Variants in BBIP1 observed in about 807,000 individuals in gnomAD.
BBIP1 encodes BBSome interacting protein 1.
BBIP1 carries 6 observed loss-of-function variants against 8.9 expected under a neutral mutation model. The ratio of observed to expected loss-of-function variants is 0.67; its 90% confidence interval spans 0.37 to 1.33. The LOEUF (loss-of-function observed/expected upper bound fraction) is 1.33. Among genes scored for constraint, BBIP1 ranks in the 40% most tolerant of loss-of-function variants. The probability of loss-of-function intolerance (pLI) is 0.02; values close to 1 mark genes in which losing one functional copy is unlikely to be tolerated. For synonymous variants in BBIP1, 32 were observed against 33.4 expected (o/e 0.96, Z 0.14); for missense variants, 111 against 109.2 (o/e 1.02, Z -0.07).
intron 2 of BBIP1, among the ~76,000 whole-genome samples, chr10:110,913,724 G>GT (rs1846329728): frequency 6.6e-6 from 1 of 152,156 alleles, no homozygotes; most frequent in African/African-American, 2.4e-5. Context: ...ACCTAGAGAA[G>GT]TAAATGCAGT....
intron 2 of BBIP1, chr10:110,907,844 GGAAAA>G: frequency 3.0e-6 from 2 of 675,848 alleles, no homozygotes; most frequent in Non-Finnish European, 5.3e-6. Context: ...GCCCTGGGAA[GGAAAA>G]AAGTTAAATT....
Position 110,898,837 on chromosome 10 carries a change from C to A in BBIP1, c.*1523G>T, listed in dbSNP as rs565963166. On this transcript the variant is annotated 3_prime_UTR_variant, in exon 4 of 4. Transcript: ENST00000448814. ...ATAAGGAAGCATATTTGAACCTAGT[C>A]AATTTAATCTTAGTGTTCCCTTGAA... is the stretch of plus-strand genomic sequence containing the variant. 6.6e-6 allele frequency: 1 copy of A among 152,664 alleles called. No individual in the cohort carries two copies. The highest frequency in any genetic ancestry group is 6.5e-5 in the Admixed American group (1 of 15,282). 9.5% of individuals were successfully genotyped at this position (152,664 alleles called of 1,614,324 possible). A position where few individuals can be genotyped will look rare whatever the true frequency, so the allele number is the denominator to read the frequency against.
Position 110,899,852 on chromosome 10 carries a change from T to C in BBIP1, c.*508A>G, listed in dbSNP as rs1845942196. On this transcript the variant is annotated 3_prime_UTR_variant, in exon 4 of 4. Transcript: ENST00000448814. ...TTTTGTCATTACTGGTGGGATCTGG[T>C]CACACAAGATAGCATTAAACGTGAC... The C allele has an allele frequency of 6.6e-6, 1 of 152,056 alleles. No individual in the cohort carries two copies. The highest frequency in any genetic ancestry group is 2.1e-4 in the South Asian group (1 of 4,836). 9.4% of individuals were successfully genotyped at this position (152,056 alleles called of 1,614,324 possible).
intron 2 of BBIP1, 125 bp downstream of exon 2, chr10:110,917,996 G>T: frequency 2.5e-6 from 2 of 790,602 alleles, no homozygotes; most frequent in Non-Finnish European, 4.1e-6. Flanking sequence ...GTAATTAACA[G>T]CAAAGAAACA....
intron 2 of BBIP1, among the ~76,000 whole-genome samples, chr10:110,908,772 T>C (rs1846202843): frequency 7.5e-6 from 1 of 133,406 alleles, no homozygotes; most frequent in Non-Finnish European, 1.6e-5. Flanking sequence ...TGGTGCATTA[T>C]GGGGGAGGCA....
intron 2 of BBIP1, among the ~76,000 whole-genome samples, chr10:110,908,712 A>T (rs1846201512): frequency 6.6e-6 from 1 of 152,066 alleles, no homozygotes; most frequent in South Asian, 2.1e-4. Flanking sequence ...CTTTAGGTGC[A>T]GGTAACAACA....
chr10:110,918,282 C>A, intron 1 of BBIP1, 69 bp from the exon 2 acceptor site: 2 of 790,332 alleles, frequency 2.5e-6, no homozygotes, highest in Non-Finnish European at 2.0e-6. Context: ...CAAAAATCTT[C>A]AACACGTTGT....
chr10:110,906,264 C>G (rs1846133774), intron 2 of BBIP1, among the ~76,000 whole-genome samples: 2 of 152,170 alleles, frequency 1.3e-5, no homozygotes, highest in Non-Finnish European at 2.9e-5. Context: ...CCTCGGCCTC[C>G]CAAAGTGCTG....
chr10:110,917,036 C>T (rs974048155), intron 2 of BBIP1, among the ~76,000 whole-genome samples: 8 of 152,046 alleles, frequency 5.3e-5, no homozygotes, highest in African/African-American at 1.7e-4. Flanking sequence ...TCAGCTTAAG[C>T]CTCTAGACTA....
chr10:110,914,205 AAGG>A (rs1438095809), intron 2 of BBIP1, among the ~76,000 whole-genome samples: 3 of 152,156 alleles, frequency 2.0e-5, no homozygotes, highest in African/African-American at 4.8e-5. Context: ...CTGGGAACTG[AAGG>A]AGTAGTCAGG....
chr10:110,913,723 A>G (rs1308331648), intron 2 of BBIP1, among the ~76,000 whole-genome samples: 1 of 152,252 alleles, frequency 6.6e-6, no homozygotes, highest in Non-Finnish European at 1.5e-5. Context: ...AACCTAGAGA[A>G]GTAAATGCAG....
At position 110,900,259 on chromosome 10, in the gene BBIP1, T is replaced by G; in HGVS notation, c.*101A>C. On this transcript the variant is annotated 3_prime_UTR_variant, in exon 4 of 4. Transcript: ENST00000448814. ...GTATTTCTATGAATACTATCAATTT[T>G]ATTGATAACACATACTACTTTCAGC... 9.2e-7 allele frequency: 1 copy of G among 1,092,534 alleles called. No individual in the cohort carries two copies. Among genetic ancestry groups the G allele is most frequent in the Non-Finnish European group, 1.3e-6 (1 of 799,758 alleles). The allele number at this position is 1,092,534 out of a possible 1,614,324, so 67.7% of individuals were successfully genotyped here. A position where few individuals can be genotyped will look rare whatever the true frequency, so the allele number is the denominator to read the frequency against.
chr10:110,910,644 C>T (rs535215607), intron 2 of BBIP1: 1 of 152,322 alleles, frequency 6.6e-6, no homozygotes, highest in African/African-American at 2.4e-5. Flanking sequence ...GAGATTCAAA[C>T]ATCCTCCACC....
At chr10:110,917,534 C>T (rs1846440666) in intron 2 of BBIP1, among the ~76,000 whole-genome samples, 2 of 151,930 alleles carry the variant, frequency 1.3e-5, no homozygotes, top group Non-Finnish European at 2.9e-5. Context: ...AATATATGAA[C>T]ACTTTCATAA....
Position 110,900,348 on chromosome 10 carries a change from C to G in BBIP1, c.*12G>C, listed in dbSNP as rs1437425546. ...ATAAGGCAGGTTGTTCCCTAAAGTGCTCAGTTATCATTCAGTGGGTTATTT... is the reference window on the plus strand; with the variant it reads ...ATAAGGCAGGTTGTTCCCTAAAGTGGTCAGTTATCATTCAGTGGGTTATTT... On this transcript the variant is annotated 3_prime_UTR_variant, in exon 4 of 4. Transcript: ENST00000448814. 6.5e-7 allele frequency: 1 copy of G among 1,531,174 alleles called. No homozygotes were observed. The highest frequency in any genetic ancestry group is 1.4e-5 in the African/African-American group (1 of 72,894). 94.8% of individuals were successfully genotyped at this position (1,531,174 alleles called of 1,614,324 possible).
At chr10:110,905,292 G>T (rs11195373) in intron 2 of BBIP1, among the ~76,000 whole-genome samples, 8,836 of 151,236 alleles carry the variant, frequency 0.058, 333 homozygotes, top group African/African-American at 0.11. Context: ...GGCTGGGCGC[G>T]GTGGCTCACA....
At chr10:110,912,607 A>G (rs919371884) in intron 2 of BBIP1, among the ~76,000 whole-genome samples, 1 of 152,238 alleles carries the variant, frequency 6.6e-6, no homozygotes, top group African/African-American at 2.4e-5. Context: ...TAACGTATAC[A>G]TATGGATCAG....
At chr10:110,904,101 C>T (rs192792713) in intron 2 of BBIP1, 1 of 152,262 alleles carries the variant, frequency 6.6e-6, no homozygotes. Flanking sequence ...GCACTGTAAG[C>T]AGTTGTGGCT....
chr10:110,908,803 AAAAAG>A (rs747887891), intron 2 of BBIP1, among the ~76,000 whole-genome samples: 2 of 152,158 alleles, frequency 1.3e-5, no homozygotes, highest in Non-Finnish European at 2.9e-5. Flanking sequence ...AAAAAAAAAA[AAAAAG>A]AGTTACGAGC....
Sources: gnomAD v4.1 joint callset for allele counts (sites outside exome capture counted in the v4.1 genomes callset) on GRCh38, gnomAD v4.1.1 for gene constraint, MANE v1.5 for transcripts, NCBI Gene and HGNC (gene_info 2026-07-23, HGNC 2026-07-21) for gene names.